The following OPRM1 variants were observed in gnomAD, a reference collection of about 807,000 sequenced individuals.
The protein encoded by OPRM1 is mu-type opioid receptor.
In OPRM1, 27 loss-of-function variants were observed where a neutral mutation model predicts 31.8. The observed-to-expected ratio is 0.85, with a 90% CI of 0.63 to 1.17. The LOEUF (loss-of-function observed/expected upper bound fraction) is 1.17, where lower values mean the gene tolerates loss of function less well. Ranked by LOEUF, OPRM1 falls within the 50% of genes most tolerant of loss-of-function variation. The pLI, the probability that OPRM1 is intolerant of heterozygous loss-of-function variation, is 0.00. For missense variants in OPRM1, 536 were observed against 511.1 expected (o/e 1.05, Z -0.47); for synonymous variants, 196 against 189.9 (o/e 1.03, Z -0.26).
At chr6:154,107,545 C>T (rs1053510633) in intron 3 of OPRM1, 1 of 718,578 alleles carries the variant, frequency 1.4e-6, no homozygotes, top group Non-Finnish European at 2.6e-6. Flanking sequence ...CTCCATTTCC[C>T]TTCCCAGGAA....
intron 1 of OPRM1, among the ~76,000 whole-genome samples, chr6:154,019,719 G>A (rs1233517835): frequency 6.7e-6 from 1 of 148,566 alleles, no homozygotes; most frequent in African/African-American, 2.5e-5. Context: ...TATTTCCATA[G>A]CTTAGTGGCT....
chr6:154,092,968 C>T (rs1299898652), intron 3 of OPRM1, among the ~76,000 whole-genome samples: 1 of 152,204 alleles, frequency 6.6e-6, no homozygotes, highest in Non-Finnish European at 1.5e-5. Flanking sequence ...CACATCAAGA[C>T]TGCTAAACCT....
At chr6:154,200,361 C>T (rs1026146438) in intron 3 of OPRM1, among the ~76,000 whole-genome samples, 1 of 152,180 alleles carries the variant, frequency 6.6e-6, no homozygotes, top group Non-Finnish European at 1.5e-5. Context: ...CTGCATTACA[C>T]TTTGAGCAAA....
intron 1 of OPRM1, among the ~76,000 whole-genome samples, chr6:154,062,249 A>G (rs1185491654): frequency 1.3e-5 from 2 of 152,200 alleles, no homozygotes; most frequent in Admixed American, 1.3e-4. Context: ...GAAAAGTAAT[A>G]AAGTATTGCA....
chr6:154,245,609 C>T (rs1000786156), intron 3 of OPRM1, among the ~76,000 whole-genome samples: 3 of 152,144 alleles, frequency 2.0e-5, no homozygotes, highest in East Asian at 3.8e-4. Context: ...GACATGCATG[C>T]CCACGTCATT....
intron 3 of OPRM1, chr6:154,157,048 CA>C (rs1304713968): frequency 1.8e-4 from 28 of 152,388 alleles, no homozygotes; most frequent in African/African-American, 6.7e-4. Context: ...CCTTGGACCC[CA>C]GGAAACTACC....
At position 154,120,923 on chromosome 6, in the gene OPRM1, G is replaced by A. The variant is rs953025936; in HGVS notation, c.*2202G>A. Among the ~76,000 whole-genome samples, 13 of 151,996 alleles carry A rather than the reference G, an allele frequency of 8.6e-5. No individual in the cohort carries two copies. Among genetic ancestry groups the A allele is most frequent in the African/African-American group, 3.1e-4 (13 of 41,402 alleles). ...ACTCTACACAGAATACACAATAAAGGGAGTTATTTTTAAAATAAGACATTC... is the reference window on the plus strand; with the variant it reads ...ACTCTACACAGAATACACAATAAAGAGAGTTATTTTTAAAATAAGACATTC... On this transcript the variant is annotated 3_prime_UTR_variant, in exon 4 of 4. Coordinates refer to ENST00000330432, the MANE Select transcript of OPRM1 (RefSeq NM_000914.5).
intron 3 of OPRM1, among the ~76,000 whole-genome samples, chr6:154,207,467 T>C (rs564976031): frequency 5.3e-5 from 8 of 152,364 alleles, no homozygotes; most frequent in African/African-American, 1.4e-4. Context: ...TCAAATGACT[T>C]TGGTAGACAA....
In OPRM1 at chr6:154,056,776, C is replaced by T. The variant is rs539102669; in HGVS notation, c.290+16942C>T. Among the ~76,000 whole-genome samples, 14 of 152,108 alleles carry T rather than the reference C, an allele frequency of 9.2e-5. No individual in the cohort carries two copies. The South Asian group carries it at 1.2e-3, about 14-fold the overall frequency. ...GGAGTATTAAATGTTAATTGAAAAACGTTGCCAGCAGTATAACCTGAACAT... is the reference window on the plus strand; with the variant it reads ...GGAGTATTAAATGTTAATTGAAAAATGTTGCCAGCAGTATAACCTGAACAT... On this transcript the variant is annotated intron_variant, in intron 1 of 3. Transcript: ENST00000330432.
chr6:154,211,230 C>T (rs1287495402), intron 3 of OPRM1, among the ~76,000 whole-genome samples: 1 of 152,024 alleles, frequency 6.6e-6, no homozygotes, highest in Non-Finnish European at 1.5e-5. Flanking sequence ...TCCTGGCTAA[C>T]ACGGTGAAAT....
At chr6:154,110,415 T>C (rs1796212587) in intron 3 of OPRM1, 5 of 1,501,110 alleles carry the variant, frequency 3.3e-6, no homozygotes, top group Non-Finnish European at 4.5e-6. Flanking sequence ...GGGCTAATAA[T>C]TACAATATTT....
chr6:154,160,103 T>C (rs1476133573), intron 3 of OPRM1: 1 of 1,269,168 alleles, frequency 7.9e-7, no homozygotes, highest in Middle Eastern at 2.7e-4. Flanking sequence ...ACATAAACCA[T>C]CTTTACCAAC....
intron 1 of OPRM1, among the ~76,000 whole-genome samples, chr6:154,071,533 C>T (rs1786724556): frequency 1.3e-5 from 2 of 151,760 alleles, no homozygotes; most frequent in African/African-American, 2.4e-5. Flanking sequence ...GCGAAAACCC[C>T]CAGGAATATC....
At chr6:154,114,557 G>T (rs1796669175) in intron 3 of OPRM1, among the ~76,000 whole-genome samples, 1 of 152,154 alleles carries the variant, frequency 6.6e-6, no homozygotes, top group Admixed American at 6.5e-5. Context: ...GTTTTGGAGG[G>T]TCAGCCAGGG....
At chr6:154,038,390 A>G (rs1011792309), upstream of OPRM1, among the ~76,000 whole-genome samples, 2 of 152,200 alleles carry the variant, frequency 1.3e-5, no homozygotes, top group Non-Finnish European at 2.9e-5. Flanking sequence ...AGAAGCACTC[A>G]TGGACTTAGA....
At chr6:154,135,127 TGAG>T (rs1167041444), downstream of OPRM1, among the ~76,000 whole-genome samples, 1 of 152,222 alleles carries the variant, frequency 6.6e-6, no homozygotes, top group Non-Finnish European at 1.5e-5. Context: ...TGTCAGAATA[TGAG>T]AACAGATATC....
At position 154,180,386 on chromosome 6, in the gene OPRM1, C is replaced by CTATATATATATATA. The variant is rs58975780; in HGVS notation, c.1165-66291_1165-66278dup. Among the ~76,000 whole-genome samples the CTATATATATATATA allele has an allele frequency of 1.3e-3, 112 of 88,254 alleles. 1 individual carries two copies. The highest frequency in any genetic ancestry group is 5.4e-3 in the South Asian group (14 of 2,580). 57.9% of individuals were successfully genotyped at this position (88,254 alleles called of 152,430 possible). On this transcript the variant is annotated intron_variant, in intron 3 of 3. Transcript: ENST00000337049. ...TACTGAGCTAGTTTAACAACAACAACTATATATATATATATATATATATAT... is the reference window on the plus strand; with the variant it reads ...TACTGAGCTAGTTTAACAACAACAACTATATATATATATATATATATATATATATATATATATAT...
chr6:154,153,112 T>C (rs1260370350), intron 3 of OPRM1, among the ~76,000 whole-genome samples: 2 of 152,184 alleles, frequency 1.3e-5, no homozygotes, highest in Non-Finnish European at 2.9e-5. Context: ...ATGGTGAACA[T>C]ACCTTGAAGT....
chr6:154,198,979 T>C (rs946656916), intron 3 of OPRM1, among the ~76,000 whole-genome samples: 10 of 152,186 alleles, frequency 6.6e-5, no homozygotes, highest in Non-Finnish European at 5.9e-5. Flanking sequence ...TACGTCACGA[T>C]TGAACAGTAA....
Sources: gnomAD v4.1 joint callset for allele counts (sites outside exome capture counted in the v4.1 genomes callset) on GRCh38, gnomAD v4.1.1 for gene constraint, MANE v1.5 for transcripts, NCBI Gene and HGNC (gene_info 2026-07-23, HGNC 2026-07-21) for gene names.